Variants in SREBF2 observed in about 807,000 individuals in gnomAD.
SREBF2 encodes the protein sterol regulatory element binding transcription factor 2, also known as sterol regulatory element-binding protein 2.
A neutral mutation model predicts 113.1 loss-of-function variants in SREBF2; 55 were observed. The ratio of observed to expected loss-of-function variants is 0.49; its 90% CI spans 0.39 to 0.61. The LOEUF (loss-of-function observed/expected upper bound fraction) is 0.61, where lower values mean the gene tolerates loss of function less well. Ranked by LOEUF, SREBF2 falls within the 20% of genes least tolerant of loss-of-function variation. The pLI is 0.00. For synonymous variants in SREBF2, 593 were observed against 605.7 expected, an observed-to-expected ratio of 0.98 and a Z score of 0.31; for missense variants, 1,349 against 1,487.4, an observed-to-expected ratio of 0.91 and a Z score of 1.53.
Position 41,866,950 on chromosome 22 carries a change from AGCAGCAGCAGCAGCAATGGCAGGG to A in SREBF2, c.220_243del (p.Ser74_Ser81del). The A allele has an allele frequency of 5.0e-6, 8 of 1,613,522 alleles. No individual in the cohort carries two copies. Among genetic ancestry groups the A allele is most frequent in the East Asian group, 2.2e-5 (1 of 44,876 alleles). The stretch of plus-strand genomic sequence containing the variant: ...TAGCAGCAGCGGCAGCAGTGGCAGC[AGCAGCAGCAGCAGCAATGGCAGGG>A]GCAGCAGCAGCGGAGCTGTGGACCC... On this transcript the variant is annotated inframe_deletion, in exon 2 of 19. Transcript: ENST00000361204.
At position 41,868,601 on chromosome 22, in the gene SREBF2, T is replaced by C. The variant is rs1021800599; in HGVS notation, c.539-10T>C. 3 of 1,614,086 alleles carry C rather than the reference T, an allele frequency of 1.9e-6. No homozygotes were observed. The highest frequency in any genetic ancestry group is 1.7e-5 in the Admixed American group (1 of 60,006). On this transcript the variant is annotated splice_polypyrimidine_tract_variant and intron_variant, in intron 2 of 18. Coordinates refer to ENST00000361204, the MANE Select transcript of SREBF2 (RefSeq NM_004599.4). ...TCATCTCTGTGCCTTCTTTCTCCTC[T>C]TCTCCCAAGTCCTTCAGCCTCAAGT...
chr22:41,871,977 G>C (rs555624153), intron 4 of SREBF2, among the ~76,000 whole-genome samples: 82 of 150,274 alleles, frequency 5.5e-4, no homozygotes, highest in African/African-American at 2.0e-3. Context: ...GCCACCGGGC[G>C]CAGTGGCTCA....
At chr22:41,903,300 G>A in intron 17 of SREBF2, 145 bp downstream of exon 17, 1 of 989,676 alleles carries the variant, frequency 1.0e-6, no homozygotes, top group South Asian at 1.4e-5. Context: ...CTTGGCTCGT[G>A]CCCAACACTG....
chr22:41,895,556 C>G (rs1166995993), intron 13 of SREBF2, among the ~76,000 whole-genome samples: 2 of 151,644 alleles, frequency 1.3e-5, no homozygotes, highest in African/African-American at 4.9e-5. Flanking sequence ...CTGCCTTAGC[C>G]TCCCAAGTAG....
intron 16 of SREBF2, among the ~76,000 whole-genome samples, chr22:41,900,758 C>A (rs550476837): frequency 4.9e-4 from 74 of 152,334 alleles, no homozygotes; most frequent in African/African-American, 1.8e-3. Flanking sequence ...TGGCCCATAG[C>A]CTCTGTAAGC....
intron 1 of SREBF2, among the ~76,000 whole-genome samples, chr22:41,848,621 A>G (rs918886456): frequency 2.1e-4 from 32 of 152,114 alleles, no homozygotes; most frequent in Admixed American, 1.8e-3. Context: ...AGAAACTCCT[A>G]GGAGGAAGCA....
At chr22:41,878,573 T>G in intron 9 of SREBF2, 1 of 896,536 alleles carries the variant, frequency 1.1e-6, no homozygotes, top group Non-Finnish European at 1.6e-6. Flanking sequence ...GGAACTGATT[T>G]GGGGCTTTAT....
chr22:41,861,494 T>A (rs1266086427), intron 1 of SREBF2, among the ~76,000 whole-genome samples: 17 of 145,486 alleles, frequency 1.2e-4, no homozygotes, highest in Admixed American at 9.6e-4. Context: ...AGACTCCATT[T>A]AAAAAAAAAA....
chr22:41,894,985 G>T (rs2077399692), intron 13 of SREBF2, 48 bp downstream of exon 13: 1 of 1,495,158 alleles, frequency 6.7e-7, no homozygotes, highest in Non-Finnish European at 9.3e-7. Context: ...GTCCACGCAG[G>T]CAACTCCAGG....
chr22:41,838,637 G>A (rs185329974), intron 1 of SREBF2, among the ~76,000 whole-genome samples: 129 of 152,284 alleles, frequency 8.5e-4, no homozygotes, highest in African/African-American at 3.0e-3. Context: ...GGAAGCTGAG[G>A]CAGGAGAATC....
chr22:41,888,860 C>T (rs1367691487), intron 11 of SREBF2, among the ~76,000 whole-genome samples: 1 of 152,194 alleles, frequency 6.6e-6, no homozygotes, highest in Non-Finnish European at 1.5e-5. Context: ...AACTGCTCTT[C>T]TCTGTTTACT....
chr22:41,903,193 AGCCTGTGGG>A (rs1257575359), intron 17 of SREBF2, 38 bp downstream of exon 17: 1 of 1,543,612 alleles, frequency 6.5e-7, no homozygotes, highest in Non-Finnish European at 8.7e-7. Context: ...GGCAGATTGG[AGCCTGTGGG>A]GCCTGAGCCC....
In SREBF2 at chr22:41,866,993, T is replaced by G; in HGVS notation, c.251T>G (p.Val84Gly). The G allele has an allele frequency of 1.2e-6, 2 of 1,613,954 alleles. No individual in the cohort carries two copies. Among genetic ancestry groups the G allele is most frequent in the Non-Finnish European group, 1.7e-6 (2 of 1,179,878 alleles). The change falls in exon 2 of 19, where the codon GTG (valine) becomes GGG (glycine). Residue 84 changes from valine (V) to glycine (G), a missense_variant. This residue lies in a region of SREBF2 where 699 missense variants were observed against 843.3 expected (regional missense o/e 0.83). Transcript: ENST00000361204. The stretch of plus-strand genomic sequence containing the variant: ...GGCAGGGGCAGCAGCAGCGGAGCTG[T>G]GGACCCTTCAGTGCAACGGTCATTC... The part of the protein sequence containing the change: ...SNGRGSSSGA[V>G]DPSVQRSFTQ...
At chr22:41,895,182 C>T (rs1464714400) in intron 13 of SREBF2, among the ~76,000 whole-genome samples, 1 of 150,158 alleles carries the variant, frequency 6.7e-6, no homozygotes, top group Admixed American at 6.6e-5. Context: ...CTCTGTCACT[C>T]AGGTTGGAGT....
intron 1 of SREBF2, among the ~76,000 whole-genome samples, chr22:41,863,944 C>T (rs960501928): frequency 6.6e-6 from 1 of 151,554 alleles, no homozygotes. Flanking sequence ...TACAGTGACG[C>T]AGTCATCTCG....
At chr22:41,884,773 T>C in intron 10 of SREBF2, 69 bp from the exon 11 acceptor site, 1 of 1,554,516 alleles carries the variant, frequency 6.4e-7, no homozygotes, top group South Asian at 1.1e-5. Context: ...TTGATCGTGC[T>C]GGAGAGAGCA....
chr22:41,874,318 TC>T (rs1462609166), intron 5 of SREBF2, among the ~76,000 whole-genome samples: 1 of 152,160 alleles, frequency 6.6e-6, no homozygotes, highest in Non-Finnish European at 1.5e-5. Context: ...ACTCAGTAGT[TC>T]CAGATACAGG....
At chr22:41,899,664 G>T (rs1002678897) in intron 15 of SREBF2, 7 of 732,162 alleles carry the variant, frequency 9.6e-6, no homozygotes, top group Admixed American at 5.5e-5. Context: ...CACCCAGCCC[G>T]GTATAGCATT....
intron 7 of SREBF2, among the ~76,000 whole-genome samples, chr22:41,876,661 A>G (rs1189410767): frequency 6.6e-6 from 1 of 152,188 alleles, no homozygotes; most frequent in East Asian, 1.9e-4. Flanking sequence ...ATTCACACTA[A>G]ATACGGTCTT....
Sources: allele counts gnomAD v4.1 joint callset (sites outside exome capture counted in the v4.1 genomes callset), GRCh38; gene constraint gnomAD v4.1.1; regional missense constraint gnomAD v4.1.1; transcripts MANE v1.5; gene names NCBI Gene and HGNC (gene_info 2026-07-23, HGNC 2026-07-21).